The following GRID1 variants were observed in gnomAD, a reference collection of about 807,000 sequenced individuals.
GRID1 encodes the protein glutamate receptor ionotropic, delta-1.
GRID1 carries 28 observed loss-of-function variants against 98.0 expected under a neutral mutation model. The observed-to-expected ratio is 0.29, with a 90% CI of 0.21 to 0.39. GRID1 has a LOEUF of 0.39. GRID1 is among the 10% of genes least tolerant of loss of function. GRID1 has a pLI of 1.00. For synonymous variants in GRID1, 553 were observed against 538.5 expected (o/e 1.03, Z -0.37); for missense variants, 1,111 against 1,340.5 (o/e 0.83, Z 2.67).
intron 4 of GRID1, among the ~76,000 whole-genome samples, chr10:86,064,430 G>A (rs1843691703): frequency 6.6e-6 from 1 of 152,226 alleles, no homozygotes; most frequent in Non-Finnish European, 1.5e-5. Context: ...CCTCACAGAA[G>A]CTGGCCTGGA....
At chr10:86,063,680 A>G (rs1843679616) in intron 4 of GRID1, among the ~76,000 whole-genome samples, 1 of 152,218 alleles carries the variant, frequency 6.6e-6, no homozygotes, top group Non-Finnish European at 1.5e-5. Context: ...GATATGGAAG[A>G]CTTCCATGAT....
intron 2 of GRID1, among the ~76,000 whole-genome samples, chr10:86,283,137 G>T (rs764844324): frequency 1.4e-4 from 21 of 152,258 alleles, no homozygotes; most frequent in Middle Eastern, 3.4e-3. Flanking sequence ...CCTGCTGTGT[G>T]CCTGGCCAAC....
intron 6 of GRID1, among the ~76,000 whole-genome samples, chr10:85,858,597 A>T (rs1843136200): frequency 6.6e-6 from 1 of 152,194 alleles, no homozygotes; most frequent in Admixed American, 6.5e-5. Context: ...AGATGTTGTT[A>T]TAAGGAATAC....
At chr10:85,736,405 G>C (rs1042537439) in intron 8 of GRID1, among the ~76,000 whole-genome samples, 2 of 152,144 alleles carry the variant, frequency 1.3e-5, no homozygotes, top group Non-Finnish European at 1.5e-5. Flanking sequence ...GGATCAATAA[G>C]CTACACTGTC....
intron 3 of GRID1, among the ~76,000 whole-genome samples, chr10:86,167,091 C>T (rs1408675704): frequency 1.3e-5 from 2 of 152,236 alleles, no homozygotes; most frequent in African/African-American, 4.8e-5. Context: ...CCCTGCAGCT[C>T]TGTCATCTTC....
chr10:86,140,874 C>T (rs982410282), intron 3 of GRID1, among the ~76,000 whole-genome samples: 3 of 152,300 alleles, frequency 2.0e-5, no homozygotes, highest in Non-Finnish European at 2.9e-5. Context: ...CCTGGGAGTA[C>T]GGGGAGCCCA....
At chr10:85,799,211 C>A (rs1419871433) in intron 8 of GRID1, among the ~76,000 whole-genome samples, 1 of 152,072 alleles carries the variant, frequency 6.6e-6, no homozygotes, top group Non-Finnish European at 1.5e-5. Flanking sequence ...ATGTCCATGT[C>A]TACATTGGTA....
intron 8 of GRID1, among the ~76,000 whole-genome samples, chr10:85,816,227 A>C (rs2131747280): frequency 6.6e-6 from 1 of 152,336 alleles, no homozygotes; most frequent in Non-Finnish European, 1.5e-5. Context: ...CTTTACAAAA[A>C]TTTTGATAAT....
chr10:85,926,587 A>G (rs1841777300), intron 4 of GRID1, among the ~76,000 whole-genome samples: 1 of 152,168 alleles, frequency 6.6e-6, no homozygotes, highest in South Asian at 2.1e-4. Context: ...AAACAGAATC[A>G]GAAACCAAAG....
intron 13 of GRID1, among the ~76,000 whole-genome samples, chr10:85,631,875 A>G (rs1842979193): frequency 6.6e-6 from 1 of 152,186 alleles, no homozygotes; most frequent in South Asian, 2.1e-4. Context: ...CAACTTAAGA[A>G]TACATGAATT....
intron 2 of GRID1, among the ~76,000 whole-genome samples, chr10:86,291,241 A>G (rs765292060): frequency 6.6e-6 from 1 of 152,208 alleles, no homozygotes; most frequent in Non-Finnish European, 1.5e-5. Flanking sequence ...CAGAGCACAC[A>G]ACAAGAGGCA....
chr10:86,212,951 G>A (rs1459462845), intron 2 of GRID1, among the ~76,000 whole-genome samples: 1 of 151,988 alleles, frequency 6.6e-6, no homozygotes, highest in African/African-American at 2.4e-5. Context: ...CTAGAGCTCG[G>A]GCCCTGGAGT....
At chr10:85,955,261 C>A (rs931768229) in intron 4 of GRID1, among the ~76,000 whole-genome samples, 1 of 152,160 alleles carries the variant, frequency 6.6e-6, no homozygotes, top group African/African-American at 2.4e-5. Flanking sequence ...AGAGTCCCAG[C>A]CCTTAGGGTC....
chr10:86,171,390 C>T (rs1352732361), intron 3 of GRID1, among the ~76,000 whole-genome samples: 1 of 152,202 alleles, frequency 6.6e-6, no homozygotes. Flanking sequence ...GGTCAGCTAG[C>T]TCTGTGTCTC....
intron 4 of GRID1, among the ~76,000 whole-genome samples, chr10:86,041,931 C>T (rs1843351721): frequency 6.6e-6 from 1 of 152,182 alleles, no homozygotes; most frequent in Non-Finnish European, 1.5e-5. Context: ...CCCTGTCAGG[C>T]CTCCCACCTG....
intron 12 of GRID1, among the ~76,000 whole-genome samples, chr10:85,701,214 T>C (rs34038053): frequency 0.1 from 15,882 of 152,146 alleles, 1,115 homozygotes; most frequent in Non-Finnish European, 0.15. Flanking sequence ...TCTCCGTGGA[T>C]TTCTTCTTAT....
At chr10:85,750,814 C>T (rs1259681095) in intron 8 of GRID1, among the ~76,000 whole-genome samples, 2 of 152,034 alleles carry the variant, frequency 1.3e-5, no homozygotes, top group Non-Finnish European at 2.9e-5. Flanking sequence ...GAGAACTAAA[C>T]ATAATGGCCA....
intron 4 of GRID1, among the ~76,000 whole-genome samples, chr10:85,926,095 T>C (rs1589301052): frequency 6.6e-6 from 1 of 152,306 alleles, no homozygotes; most frequent in African/African-American, 2.4e-5. Flanking sequence ...GATATAAGCT[T>C]CTTCTACCTC....
chr10:85,760,585 C>T (rs1842138211), intron 8 of GRID1, among the ~76,000 whole-genome samples: 2 of 152,154 alleles, frequency 1.3e-5, no homozygotes, highest in African/African-American at 4.8e-5. Context: ...ATCATCAAGC[C>T]TTTCAGTGTC....
Sources: allele counts gnomAD v4.1 joint callset (sites outside exome capture counted in the v4.1 genomes callset), GRCh38; gene constraint gnomAD v4.1.1; transcripts MANE v1.5; gene names NCBI Gene and HGNC (gene_info 2026-07-23, HGNC 2026-07-21).